Variants in KLHL20 observed in about 807,000 individuals in gnomAD.
KLHL20 encodes kelch like family member 20.
KLHL20 carries 29 observed loss-of-function variants against 69.5 expected under a neutral mutation model. The ratio of observed to expected loss-of-function variants is 0.42; its 90% CI spans 0.31 to 0.57. The LOEUF is 0.57. Ranked by LOEUF, KLHL20 falls within the 20% of genes least tolerant of loss-of-function variation. The pLI is 0.18. For missense variants in KLHL20, 419 were observed against 776.0 expected, an observed-to-expected ratio of 0.54 and a Z score of 5.47; for synonymous variants, 253 against 265.2, an observed-to-expected ratio of 0.95 and a Z score of 0.45.
intron 2 of KLHL20, among the ~76,000 whole-genome samples, 185 bp downstream of exon 2, chr1:173,716,251 G>A (rs1038930352): frequency 1.3e-5 from 2 of 152,120 alleles, no homozygotes; most frequent in African/African-American, 2.4e-5. Flanking sequence ...TACAGAAGTT[G>A]TTTCTGAAAA....
chr1:173,725,181 T>C (rs901705166), intron 2 of KLHL20, among the ~76,000 whole-genome samples: 1 of 152,242 alleles, frequency 6.6e-6, no homozygotes, highest in African/African-American at 2.4e-5. Flanking sequence ...AAACCTCATT[T>C]TGAATTGCTA....
At chr1:173,727,443 A>G (rs1672031186) in intron 2 of KLHL20, among the ~76,000 whole-genome samples, 1 of 152,178 alleles carries the variant, frequency 6.6e-6, no homozygotes, top group African/African-American at 2.4e-5. Context: ...CAAGACACAT[A>G]ATTGTCAGAT....
intron 3 of KLHL20, among the ~76,000 whole-genome samples, chr1:173,747,387 G>T (rs904276205): frequency 2.6e-5 from 4 of 151,922 alleles, no homozygotes; most frequent in Non-Finnish European, 4.4e-5. Flanking sequence ...GTGACTTTGA[G>T]CTTTGTAAAG....
At chr1:173,734,713 T>C (rs542706036) in intron 3 of KLHL20, among the ~76,000 whole-genome samples, 1 of 152,276 alleles carries the variant, frequency 6.6e-6, no homozygotes, top group East Asian at 1.9e-4. Flanking sequence ...AGTTTAGATG[T>C]TATCAAAATA....
At chr1:173,719,558 G>A (rs1431919286) in intron 2 of KLHL20, among the ~76,000 whole-genome samples, 1 of 152,030 alleles carries the variant, frequency 6.6e-6, no homozygotes, top group Non-Finnish European at 1.5e-5. Flanking sequence ...GGTGGAGGTT[G>A]CAGTGAGCCA....
At chr1:173,742,879 G>A (rs187332835) in intron 3 of KLHL20, among the ~76,000 whole-genome samples, 5 of 151,638 alleles carry the variant, frequency 3.3e-5, no homozygotes, top group Admixed American at 2.0e-4. Context: ...AAGAATCTAC[G>A]CAGGATGCAA....
At chr1:173,781,017 G>A (rs1463471994) in intron 10 of KLHL20, among the ~76,000 whole-genome samples, 1 of 145,886 alleles carries the variant, frequency 6.9e-6, no homozygotes, top group Non-Finnish European at 1.5e-5. Context: ...GAAAGAGGGA[G>A]AGGGAGAGAG....
intron 2 of KLHL20, among the ~76,000 whole-genome samples, chr1:173,721,984 T>C (rs1369941574): frequency 1.3e-5 from 2 of 152,216 alleles, no homozygotes; most frequent in Non-Finnish European, 2.9e-5. Context: ...AGATAGCGTA[T>C]TAGTCCATTT....
chr1:173,727,943 G>T (rs1231421779), intron 2 of KLHL20, among the ~76,000 whole-genome samples: 3 of 148,760 alleles, frequency 2.0e-5, no homozygotes, highest in Non-Finnish European at 3.0e-5. Context: ...TCAATTAAAA[G>T]ACACAGACTG....
At chr1:173,751,146 A>C (rs1344536198) in intron 3 of KLHL20, among the ~76,000 whole-genome samples, 3 of 152,186 alleles carry the variant, frequency 2.0e-5, no homozygotes, top group Non-Finnish European at 4.4e-5. Flanking sequence ...AGGCCTTGGA[A>C]TAGGTGGCTG....
At chr1:173,720,792 C>T (rs912963375) in intron 2 of KLHL20, among the ~76,000 whole-genome samples, 3 of 151,808 alleles carry the variant, frequency 2.0e-5, no homozygotes, top group Non-Finnish European at 2.9e-5. Flanking sequence ...AACCAGATGC[C>T]GCCATGATAA....
At chr1:173,747,681 AT>A (rs1362210020) in intron 3 of KLHL20, among the ~76,000 whole-genome samples, 1 of 151,972 alleles carries the variant, frequency 6.6e-6, no homozygotes, top group Non-Finnish European at 1.5e-5. Context: ...ACTCTATCAT[AT>A]TTTTATAAAT....
At chr1:173,749,998 G>A (rs1282199949) in intron 3 of KLHL20, among the ~76,000 whole-genome samples, 1 of 151,992 alleles carries the variant, frequency 6.6e-6, no homozygotes, top group South Asian at 2.1e-4. Context: ...TTAAATTCCA[G>A]ATAAACAAGT....
chr1:173,775,559 C>G, intron 9 of KLHL20, 75 bp from the exon 10 acceptor site: 1 of 1,208,252 alleles, frequency 8.3e-7, no homozygotes, highest in Non-Finnish European at 1.2e-6. Context: ...CACAAAGTAT[C>G]AGTGGCTATA....
At chr1:173,733,640 A>T in intron 2 of KLHL20, 73 bp from the exon 3 acceptor site, 1 of 1,247,334 alleles carries the variant, frequency 8.0e-7, no homozygotes, top group Non-Finnish European at 1.1e-6. Context: ...CGCTTGAATT[A>T]CAAACATTTA....
chr1:173,725,821 G>A (rs936497938), intron 2 of KLHL20, among the ~76,000 whole-genome samples: 3 of 152,300 alleles, frequency 2.0e-5, no homozygotes, highest in East Asian at 1.9e-4. Flanking sequence ...CAGCATGAGC[G>A]ATGCAGAAGA....
rs529101331 is a variant in KLHL20, at chr1:173,783,118, T to G, written c.1745+888T>G. Among the ~76,000 whole-genome samples, 28 of 152,362 alleles carry G rather than the reference T, an allele frequency of 1.8e-4. No homozygotes were observed. The South Asian group carries it at 5.6e-3, about 30-fold the overall frequency. ...GGTTTGATGTATGGCATATCTGTAC[T>G]TAATTCTAAATACTAGTCTTCTAAG... is the stretch of plus-strand genomic sequence containing the variant. On this transcript the variant is annotated intron_variant, in intron 11 of 11. Coordinates refer to ENST00000209884, the MANE Select transcript of KLHL20 (RefSeq NM_014458.4).
At chr1:173,746,511 A>G (rs191663386) in intron 3 of KLHL20, among the ~76,000 whole-genome samples, 100 of 152,216 alleles carry the variant, frequency 6.6e-4, no homozygotes, top group African/African-American at 2.3e-3. Context: ...AAAATTACCA[A>G]TTTCATCTAG....
chr1:173,742,615 G>A (rs927191405), intron 3 of KLHL20, among the ~76,000 whole-genome samples: 2 of 151,188 alleles, frequency 1.3e-5, no homozygotes, highest in South Asian at 2.1e-4. Context: ...GTATATATAC[G>A]TGCAGATATA....
Sources: allele counts gnomAD v4.1 joint callset (sites outside exome capture counted in the v4.1 genomes callset), GRCh38; gene constraint gnomAD v4.1.1; transcripts MANE v1.5; gene names NCBI Gene and HGNC (gene_info 2026-07-23, HGNC 2026-07-21).